AGBL4: variants seen among roughly 807,000 people sequenced by gnomAD.
The protein encoded by AGBL4 is cytosolic carboxypeptidase 6.
AGBL4 carries 58 observed loss-of-function variants against 66.4 expected under a neutral mutation model. The ratio of observed to expected loss-of-function variants is 0.87; its 90% CI spans 0.71 to 1.09. The LOEUF (loss-of-function observed/expected upper bound fraction) is 1.09, where lower values mean the gene tolerates loss of function less well. AGBL4 is among the 50% of genes least tolerant of loss of function. The pLI is 0.00. For missense variants in AGBL4, 579 were observed against 631.0 expected, an observed-to-expected ratio of 0.92 and a Z score of 0.88; for synonymous variants, 234 against 222.9, an observed-to-expected ratio of 1.05 and a Z score of -0.44.
intron 2 of AGBL4, among the ~76,000 whole-genome samples, chr1:49,774,170 T>C (rs1430007025): frequency 2.6e-5 from 4 of 152,160 alleles, no homozygotes; most frequent in Admixed American, 1.3e-4. Context: ...ATTGTCCAAA[T>C]TGGACTCAAG....
At chr1:49,510,278 A>C (rs1470812987) in intron 3 of AGBL4, among the ~76,000 whole-genome samples, 1 of 151,858 alleles carries the variant, frequency 6.6e-6, no homozygotes, top group Non-Finnish European at 1.5e-5. Flanking sequence ...TGCCATTCTA[A>C]CTGGTGTGAG....
chr1:49,087,490 G>A (rs1644929189), intron 4 of AGBL4, among the ~76,000 whole-genome samples: 1 of 152,186 alleles, frequency 6.6e-6, no homozygotes, highest in Non-Finnish European at 1.5e-5. Context: ...AAGAATCTTA[G>A]AGCTCAAAGA....
chr1:49,407,065 CAAAAAAA>C (rs57974289), intron 3 of AGBL4, among the ~76,000 whole-genome samples: 6 of 25,926 alleles, frequency 2.3e-4, no homozygotes, highest in East Asian at 1.2e-3. Context: ...ACTCTGCCTC[CAAAAAAA>C]AAAAAAAAAA....
chr1:48,706,860 G>C (rs1160409572), intron 6 of AGBL4, among the ~76,000 whole-genome samples: 1 of 152,222 alleles, frequency 6.6e-6, no homozygotes, highest in African/African-American at 2.4e-5. Flanking sequence ...CTGAGGGTCA[G>C]CCTCTGACAT....
At chr1:48,791,639 A>G (rs1009409306) in intron 6 of AGBL4, among the ~76,000 whole-genome samples, 1 of 152,138 alleles carries the variant, frequency 6.6e-6, no homozygotes, top group African/African-American at 2.4e-5. Context: ...CGGGGTTTAA[A>G]TCTCAGCTCT....
intron 1 of AGBL4, among the ~76,000 whole-genome samples, chr1:49,960,503 T>C (rs1328413602): frequency 6.6e-6 from 1 of 151,978 alleles, no homozygotes; most frequent in African/African-American, 2.4e-5. Context: ...TATACCACTA[T>C]AGGATGACTA....
intron 3 of AGBL4, among the ~76,000 whole-genome samples, chr1:49,650,494 G>T (rs1645981014): frequency 6.6e-6 from 1 of 152,160 alleles, no homozygotes; most frequent in South Asian, 2.1e-4. Flanking sequence ...GCCAGCTCAT[G>T]GAGGTGCATT....
chr1:49,258,391 G>A (rs963355560), intron 3 of AGBL4, among the ~76,000 whole-genome samples: 2 of 152,168 alleles, frequency 1.3e-5, no homozygotes, highest in East Asian at 3.9e-4. Context: ...CAAAGGCAAA[G>A]AAGTTGAAAA....
chr1:49,735,817 G>A (rs1649838235), intron 2 of AGBL4, among the ~76,000 whole-genome samples: 1 of 152,066 alleles, frequency 6.6e-6, no homozygotes. Flanking sequence ...ACAGTACTAT[G>A]AGGAGATAGA....
chr1:49,644,455 G>A (rs183639382), intron 3 of AGBL4, among the ~76,000 whole-genome samples: 1 of 151,402 alleles, frequency 6.6e-6, no homozygotes, highest in East Asian at 1.9e-4. Context: ...TATAAAGATG[G>A]GAAAAGATTT....
At chr1:48,788,333 C>G (rs1645458206) in intron 6 of AGBL4, among the ~76,000 whole-genome samples, 1 of 152,178 alleles carries the variant, frequency 6.6e-6, no homozygotes, top group Non-Finnish European at 1.5e-5. Flanking sequence ...TTCCTGGAGC[C>G]AGTTCATTTT....
intron 4 of AGBL4, among the ~76,000 whole-genome samples, chr1:49,227,658 TTACA>T (rs1401023334): frequency 1.3e-5 from 2 of 152,216 alleles, no homozygotes; most frequent in Admixed American, 1.3e-4. Context: ...CTAAAATTTC[TTACA>T]TAACAAACCC....
At chr1:48,850,689 T>C (rs1454841631) in intron 6 of AGBL4, among the ~76,000 whole-genome samples, 1 of 152,130 alleles carries the variant, frequency 6.6e-6, no homozygotes, top group East Asian at 1.9e-4. Flanking sequence ...AACACCTGAC[T>C]AATTTTCTGT....
At chr1:48,710,929 C>CAAAAAAAAAAAAAAAAAAAAA (rs1557895437) in intron 6 of AGBL4, among the ~76,000 whole-genome samples, 2 of 152,160 alleles carry the variant, frequency 1.3e-5, no homozygotes, top group African/African-American at 4.8e-5. Flanking sequence ...AGATCCAGCT[C>CAAAAAAAAAAAAAAAAAAAAA]AGACATTACC....
intron 6 of AGBL4, among the ~76,000 whole-genome samples, chr1:48,827,629 G>A (rs1646454861): frequency 6.6e-6 from 1 of 152,192 alleles, no homozygotes; most frequent in Non-Finnish European, 1.5e-5. Flanking sequence ...AATTTCTTGA[G>A]TAACTACTGT....
intron 1 of AGBL4, among the ~76,000 whole-genome samples, chr1:49,903,853 T>G (rs1227908585): frequency 1.3e-5 from 2 of 152,148 alleles, no homozygotes; most frequent in Admixed American, 1.3e-4. Context: ...TAGGGTCTGA[T>G]TAGCAGTCTC....
At chr1:49,294,266 C>A (rs1234570999) in intron 3 of AGBL4, among the ~76,000 whole-genome samples, 1 of 152,140 alleles carries the variant, frequency 6.6e-6, no homozygotes, top group Non-Finnish European at 1.5e-5. Flanking sequence ...AAATGCTTAT[C>A]TTTAGTTTGG....
chr1:49,774,850 A>G (rs986072600), intron 2 of AGBL4, among the ~76,000 whole-genome samples: 1 of 152,350 alleles, frequency 6.6e-6, no homozygotes, highest in South Asian at 2.1e-4. Context: ...AAAAATATAC[A>G]TACCCTTTGA....
intron 1 of AGBL4, chr1:49,995,345 G>T (rs577725452): frequency 2.2e-6 from 1 of 451,196 alleles, no homozygotes; most frequent in Non-Finnish European, 4.5e-6. Context: ...TTCAGGCTGC[G>T]TTGGAGCTGG....
Sources: gnomAD v4.1 joint callset for allele counts (sites outside exome capture counted in the v4.1 genomes callset) on GRCh38, gnomAD v4.1.1 for gene constraint, MANE v1.5 for transcripts, NCBI Gene and HGNC (gene_info 2026-07-23, HGNC 2026-07-21) for gene names.